MPP7: variants seen among roughly 807,000 people sequenced by gnomAD.
MPP7 encodes MAGUK p55 scaffold protein 7, also known as MAGUK p55 subfamily member 7.
In MPP7, 60 loss-of-function variants were observed where a neutral mutation model predicts 76.5. The ratio of observed to expected loss-of-function variants is 0.78; its 90% CI spans 0.64 to 0.97. The LOEUF is 0.97. MPP7 is among the 50% of genes least tolerant of loss of function. The probability of loss-of-function intolerance (pLI) is 0.00; values close to 1 mark genes in which losing one functional copy is unlikely to be tolerated. For missense variants in MPP7, 641 were observed against 694.0 expected, an observed-to-expected ratio of 0.92 and a Z score of 0.86; for synonymous variants, 237 against 244.5, an observed-to-expected ratio of 0.97 and a Z score of 0.29.
At chr10:28,254,020 A>AG (rs1839706922) in intron 1 of MPP7, among the ~76,000 whole-genome samples, 1 of 149,960 alleles carries the variant, frequency 6.7e-6, no homozygotes, top group Non-Finnish European at 1.5e-5. Flanking sequence ...AAAAAAAAAA[A>AG]AAAAAAAAAA....
intron 1 of MPP7, among the ~76,000 whole-genome samples, chr10:28,250,604 T>C (rs1839585165): frequency 6.6e-6 from 1 of 152,232 alleles, no homozygotes; most frequent in Non-Finnish European, 1.5e-5. Flanking sequence ...AACGAGCTGA[T>C]GATTCAACCG....
intron 2 of MPP7, among the ~76,000 whole-genome samples, chr10:28,213,501 A>G (rs908894545): frequency 6.6e-6 from 1 of 152,150 alleles, no homozygotes; most frequent in Non-Finnish European, 1.5e-5. Flanking sequence ...TTGCATTTAA[A>G]AGAGAAGGTT....
At chr10:28,320,124 G>T (rs1834351993) in intron 2 of MPP7, among the ~76,000 whole-genome samples, 1 of 152,124 alleles carries the variant, frequency 6.6e-6, no homozygotes, top group Non-Finnish European at 1.5e-5. Context: ...AGTGACTCTG[G>T]AGAAGATACG....
Position 28,194,617 on chromosome 10 carries a change from C to T in MPP7, c.156+7536G>A, listed in dbSNP as rs188994032. 1.8e-4 allele frequency among the ~76,000 whole-genome samples: 27 copies of T among 152,220 alleles called. No individual in the cohort carries two copies. In the East Asian group the frequency reaches 5.2e-3, roughly 29 times the overall value. ...AATGCATATTACTAGGTAAAAGAAGCCAATCTGAAAAGGCTACATACTGTA... is the reference window on the plus strand; with the variant it reads ...AATGCATATTACTAGGTAAAAGAAGTCAATCTGAAAAGGCTACATACTGTA... On this transcript the variant is annotated intron_variant, in intron 3 of 16. Coordinates refer to ENST00000683449, the MANE Select transcript of MPP7 (RefSeq NM_001318170.2).
chr10:28,192,501 T>C (rs780714105), intron 3 of MPP7, among the ~76,000 whole-genome samples: 27 of 152,122 alleles, frequency 1.8e-4, no homozygotes, highest in Non-Finnish European at 3.5e-4. Flanking sequence ...AAATTAAAAA[T>C]ATAATACCAC....
intron 12 of MPP7, among the ~76,000 whole-genome samples, chr10:28,083,031 G>A (rs1159309972): frequency 6.6e-6 from 1 of 152,106 alleles, no homozygotes; most frequent in African/African-American, 2.4e-5. Flanking sequence ...ATGAATAACT[G>A]AAGCCCAGAG....
intron 3 of MPP7, among the ~76,000 whole-genome samples, chr10:28,151,383 T>A (rs4747616): frequency 0.33 from 50,242 of 152,072 alleles, 9,907 homozygotes; most frequent in East Asian, 0.81. Flanking sequence ...CTATGAACAT[T>A]TAATTTAAAA....
chr10:28,301,420 T>TA (rs1443294742), intron 1 of MPP7, among the ~76,000 whole-genome samples: 1 of 152,220 alleles, frequency 6.6e-6, no homozygotes, highest in Non-Finnish European at 1.5e-5. Context: ...TGTGGAAAAT[T>TA]ACCTTTCACC....
rs140000806 is a variant in MPP7 at position 28,191,639 on chromosome 10, C to T, written c.156+10514G>A. ...TCTGCAAATGTCCCAAAATTCAAAA[C>T]AATCTAAAATCTAAAACACTTCTTT... is the stretch of plus-strand genomic sequence containing the variant. On this transcript the variant is annotated intron_variant, in intron 3 of 16. Transcript: ENST00000683449. Among the ~76,000 whole-genome samples, 290 of 152,294 alleles carry T rather than the reference C, an allele frequency of 1.9e-3. 2 individuals carry two copies. The highest frequency in any genetic ancestry group is 5.8e-3 in the African/African-American group (240 of 41,558).
chr10:28,158,000 C>G (rs558324397), intron 3 of MPP7, among the ~76,000 whole-genome samples: 1 of 152,298 alleles, frequency 6.6e-6, no homozygotes, highest in East Asian at 1.9e-4. Flanking sequence ...AGTTCACCAC[C>G]AGATCCCTTG....
chr10:28,313,349 T>G (rs1011424526), intron 2 of MPP7, among the ~76,000 whole-genome samples: 5 of 151,942 alleles, frequency 3.3e-5, no homozygotes, highest in African/African-American at 1.2e-4. Context: ...CTACAAATAA[T>G]ACAAAAATTA....
At chr10:28,254,418 G>A (rs1253693101) in intron 1 of MPP7, among the ~76,000 whole-genome samples, 1 of 152,108 alleles carries the variant, frequency 6.6e-6, no homozygotes, top group African/African-American at 2.4e-5. Context: ...TGAAACCTCT[G>A]GGCTCCTGCT....
chr10:28,284,917 A>G (rs1298944027), intron 1 of MPP7, among the ~76,000 whole-genome samples: 1 of 152,222 alleles, frequency 6.6e-6, no homozygotes, highest in Non-Finnish European at 1.5e-5. Flanking sequence ...TAACAGCCCC[A>G]AGATGTCTCA....
At chr10:28,161,490 T>C (rs1172820164) in intron 3 of MPP7, among the ~76,000 whole-genome samples, 1 of 152,156 alleles carries the variant, frequency 6.6e-6, no homozygotes, top group African/African-American at 2.4e-5. Context: ...GCTGCTATTA[T>C]ACAAGAAGCT....
At chr10:28,061,466 G>A (rs1231248342) in intron 13 of MPP7, among the ~76,000 whole-genome samples, 2 of 151,872 alleles carry the variant, frequency 1.3e-5, no homozygotes, top group Non-Finnish European at 2.9e-5. Flanking sequence ...CAGTGAACTT[G>A]AAGACAGAAC....
At chr10:28,076,715 C>T (rs1442776608) in intron 12 of MPP7, among the ~76,000 whole-genome samples, 1 of 152,010 alleles carries the variant, frequency 6.6e-6, no homozygotes, top group Non-Finnish European at 1.5e-5. Context: ...TGGTAAAACC[C>T]CATCTCTACT....
chr10:28,155,998 C>T (rs184300785), intron 3 of MPP7, among the ~76,000 whole-genome samples: 2 of 152,002 alleles, frequency 1.3e-5, no homozygotes, highest in African/African-American at 2.4e-5. Flanking sequence ...GCCCATTGTA[C>T]GTTAGAGATT....
intron 2 of MPP7, among the ~76,000 whole-genome samples, chr10:28,329,542 T>C (rs1431646701): frequency 6.9e-6 from 1 of 145,306 alleles, no homozygotes; most frequent in East Asian, 2.0e-4. Flanking sequence ...GGCAGGAGAA[T>C]GGTGTGAACC....
intron 3 of MPP7, among the ~76,000 whole-genome samples, chr10:28,152,164 AAT>A (rs1318009056): frequency 6.6e-6 from 1 of 152,178 alleles, no homozygotes; most frequent in African/African-American, 2.4e-5. Context: ...GTCTTTCACA[AAT>A]AGTCAGTTTC....
Sources: gnomAD v4.1 joint callset for allele counts (sites outside exome capture counted in the v4.1 genomes callset) on GRCh38, gnomAD v4.1.1 for gene constraint, MANE v1.5 for transcripts, NCBI Gene and HGNC (gene_info 2026-07-23, HGNC 2026-07-21) for gene names.